SLC44A5: variants seen among roughly 807,000 people sequenced by gnomAD.
SLC44A5 encodes choline transporter-like protein 5.
SLC44A5 carries 57 observed loss-of-function variants against 101.8 expected under a neutral mutation model. The observed-to-expected ratio is 0.56, with a 90% confidence interval of 0.45 to 0.70. The LOEUF (loss-of-function observed/expected upper bound fraction) is 0.70. Ranked by LOEUF, SLC44A5 falls within the 30% of genes least tolerant of loss-of-function variation. SLC44A5 has a pLI of 0.00. For missense variants in SLC44A5, 737 were observed against 853.1 expected (o/e 0.86, Z 1.70); for synonymous variants, 281 against 290.9 (o/e 0.97, Z 0.35).
intron 2 of SLC44A5, among the ~76,000 whole-genome samples, chr1:75,433,736 G>T (rs1417097952): frequency 1.3e-5 from 2 of 152,104 alleles, no homozygotes; most frequent in Non-Finnish European, 2.9e-5. Flanking sequence ...AATTCAATCT[G>T]CTCTTTCTCT....
At chr1:75,556,798 C>T (rs753682014) in intron 1 of SLC44A5, among the ~76,000 whole-genome samples, 3 of 152,062 alleles carry the variant, frequency 2.0e-5, no homozygotes, top group South Asian at 2.1e-4. Context: ...CCCACCCCCA[C>T]GCACAGTGTA....
chr1:75,326,642 T>C (rs1289960102), intron 4 of SLC44A5, among the ~76,000 whole-genome samples: 3 of 152,188 alleles, frequency 2.0e-5, no homozygotes, highest in Admixed American at 1.3e-4. Context: ...TCAGCACTTA[T>C]ATTATGTACA....
At chr1:75,413,208 G>A (rs575351398) in intron 2 of SLC44A5, among the ~76,000 whole-genome samples, 1 of 152,200 alleles carries the variant, frequency 6.6e-6, no homozygotes, top group Admixed American at 6.6e-5. Context: ...AGAAAAAATA[G>A]AGTATATATA....
At chr1:75,511,013 G>A (rs1669539432) in intron 2 of SLC44A5, among the ~76,000 whole-genome samples, 1 of 152,084 alleles carries the variant, frequency 6.6e-6, no homozygotes, top group South Asian at 2.1e-4. Context: ...CGTGGTGGCA[G>A]GAGCCTGTAG....
chr1:75,231,111 A>G (rs1370769160), intron 12 of SLC44A5, among the ~76,000 whole-genome samples: 1 of 152,088 alleles, frequency 6.6e-6, no homozygotes, highest in African/African-American at 2.4e-5. Context: ...ACATTTGTTT[A>G]TTTTGGCAGT....
intron 13 of SLC44A5, among the ~76,000 whole-genome samples, chr1:75,226,832 T>A (rs967164777): frequency 1.3e-5 from 2 of 152,120 alleles, no homozygotes; most frequent in African/African-American, 2.4e-5. Flanking sequence ...GAATATAAGA[T>A]TAAAACCATC....
Position 75,243,031 on chromosome 1 carries a change from T to A in SLC44A5, c.346-20A>T. 1.0e-5 allele frequency: 16 copies of A among 1,607,138 alleles called. No homozygotes were observed. The highest frequency in any genetic ancestry group is 1.3e-5 in the African/African-American group (1 of 74,708). On this transcript the variant is annotated intron_variant, in intron 7 of 23. Transcript: ENST00000370859. ...ACAGATCTGTGAACGAACAAAGTGA[T>A]GAGAACTGAACTGAGTTGAACAAAC...
the SLC44A5 span, among the ~76,000 whole-genome samples, chr1:75,704,489 T>C: frequency 7.2e-5 from 11 of 152,190 alleles, no homozygotes; most frequent in Non-Finnish European, 1.6e-4. Flanking sequence ...TTCTGGTTAG[T>C]TTGGGTTTCT....
chr1:75,700,794 A>T, the SLC44A5 span, among the ~76,000 whole-genome samples: 1 of 152,216 alleles, frequency 6.6e-6, no homozygotes, highest in South Asian at 2.1e-4. Context: ...AGAAGAATCA[A>T]ATACATGCAA....
intron 3 of SLC44A5, among the ~76,000 whole-genome samples, chr1:75,388,223 T>TAAAA (rs1481212412): frequency 2.7e-5 from 3 of 110,240 alleles, no homozygotes; most frequent in South Asian, 2.8e-4. Context: ...AATAAATAAA[T>TAAAA]AAATAAATAA....
Position 75,280,807 on chromosome 1 carries a change from G to T in SLC44A5, c.176-5765C>A, listed in dbSNP as rs145932577. On this transcript the variant is annotated intron_variant, in intron 5 of 23. Transcript: ENST00000370859. ...CCTCCATGTGAAGAAAGATGTGTTT[G>T]CTTCTCCTTCTGCCATGATTGTAAA... is the stretch of plus-strand genomic sequence containing the variant. Among the ~76,000 whole-genome samples the T allele has an allele frequency of 3.3e-3, 506 of 152,014 alleles. 2 individuals are homozygous for T. The highest frequency in any genetic ancestry group is 0.012 in the African/African-American group (489 of 41,496).
rs554726905 is a variant in SLC44A5, at chr1:75,264,827, A to G, written c.260+10131T>C. 6.6e-5 allele frequency among the ~76,000 whole-genome samples: 10 copies of G among 152,270 alleles called. No individual in the cohort carries two copies. The South Asian group carries it at 1.7e-3, about 25-fold the overall frequency. On this transcript the variant is annotated intron_variant, in intron 6 of 23. Coordinates refer to ENST00000370859, the MANE Select transcript of SLC44A5 (RefSeq NM_001130058.2). ...TAAAAAACAATGGAAACAATTAACA[A>G]AACAAAGTTTTTATTGAAAAAAATA...
At chr1:75,362,071 A>G (rs1381720924) in intron 3 of SLC44A5, among the ~76,000 whole-genome samples, 1 of 152,038 alleles carries the variant, frequency 6.6e-6, no homozygotes, top group East Asian at 1.9e-4. Flanking sequence ...TATTTCTTTT[A>G]GGTTATCCAA....
At chr1:75,688,250 T>C in the SLC44A5 span, among the ~76,000 whole-genome samples, 2 of 152,196 alleles carry the variant, frequency 1.3e-5, no homozygotes, top group Middle Eastern at 3.2e-3. Flanking sequence ...GGAAGAGTCT[T>C]CCATTTTCTC....
intron 2 of SLC44A5, among the ~76,000 whole-genome samples, chr1:75,515,157 GA>G (rs1453673898): frequency 6.6e-6 from 1 of 151,862 alleles, no homozygotes. Context: ...ATTGTAAATT[GA>G]CAACTTATAA....
intron 4 of SLC44A5, among the ~76,000 whole-genome samples, chr1:75,303,624 A>T (rs1367895434): frequency 1.3e-5 from 2 of 152,222 alleles, no homozygotes; most frequent in Non-Finnish European, 2.9e-5. Context: ...ATAGGGTTTT[A>T]CACTATAATT....
chr1:75,307,476 C>A (rs17581457), intron 4 of SLC44A5, among the ~76,000 whole-genome samples: 7,512 of 152,238 alleles, frequency 0.049, 227 homozygotes, highest in Middle Eastern at 0.12. Flanking sequence ...CACTGAGATA[C>A]GTTTGGCAAA....
At chr1:75,558,010 A>G (rs1354232178) in intron 1 of SLC44A5, among the ~76,000 whole-genome samples, 1 of 152,164 alleles carries the variant, frequency 6.6e-6, no homozygotes, top group East Asian at 1.9e-4. Context: ...TGAGTCACAC[A>G]TTGTACTGGG....
At position 75,371,600 on chromosome 1, in the gene SLC44A5, GATCC is replaced by G. The variant is rs141317856; in HGVS notation, c.52+24979_52+24982del. Among the ~76,000 whole-genome samples, 747 of 152,266 alleles carry G rather than the reference GATCC, an allele frequency of 4.9e-3. 9 individuals carry two copies. The highest frequency in any genetic ancestry group is 0.017 in the African/African-American group (717 of 41,568). On this transcript the variant is annotated intron_variant, in intron 3 of 23. Coordinates refer to ENST00000370859, the MANE Select transcript of SLC44A5 (RefSeq NM_001130058.2). ...GAAAAACAGTGGAGAAATAAAATCA[GATCC>G]ATCCCAGAGTAGCCACTTTATCTGT...
Sources: allele counts gnomAD v4.1 joint callset (sites outside exome capture counted in the v4.1 genomes callset), GRCh38; gene constraint gnomAD v4.1.1; transcripts MANE v1.5; gene names NCBI Gene and HGNC (gene_info 2026-07-23, HGNC 2026-07-21).